DPP9: variants seen among roughly 807,000 people sequenced by gnomAD.
DPP9 encodes the protein dipeptidyl peptidase 9.
A neutral mutation model predicts 110.7 loss-of-function variants in DPP9; 50 were observed. The ratio of observed to expected loss-of-function variants is 0.45; its 90% CI spans 0.36 to 0.57. The LOEUF (loss-of-function observed/expected upper bound fraction) is 0.57. Among genes scored for constraint, DPP9 ranks in the 20% least tolerant of loss-of-function variants. The probability of loss-of-function intolerance (pLI) is 0.00; values close to 1 mark genes in which losing one functional copy is unlikely to be tolerated. For missense variants in DPP9, 1,022 were observed against 1,217.9 expected, an observed-to-expected ratio of 0.84 and a Z score of 2.39; for synonymous variants, 561 against 514.4, an observed-to-expected ratio of 1.09 and a Z score of -1.23.
At position 4,695,647 on chromosome 19, in the gene DPP9, G is replaced by T; in HGVS notation, c.1176-92C>A. 2.6e-6 allele frequency: 3 copies of T among 1,165,266 alleles called. No individual in the cohort carries two copies. The highest frequency in any genetic ancestry group is 3.5e-6 in the Non-Finnish European group (3 of 868,582). The allele number at this position is 1,165,266 out of a possible 1,614,324, so 72.2% of individuals were successfully genotyped here. A position where few individuals can be genotyped will look rare whatever the true frequency, so the allele number is the denominator to read the frequency against. ...CTGGGGACGCAGCGTCCAAACCCGT[G>T]TGGAATCAGGGCTGGGCTTCCTGCG... On this transcript the variant is annotated intron_variant, in intron 11 of 21. Transcript: ENST00000262960. This position sits in a 1 kb window ranked among gnomAD's most constrained non-coding sequence, Gnocchi z 4.7.
Position 4,676,540 on chromosome 19 carries a change from T to C in DPP9, c.*24A>G. ...GAGGCTGCAGCCACTTGTGCTGTGA[T>C]GTGGCGGCTCCCGGTGGGCAGGCTC... On this transcript the variant is annotated 3_prime_UTR_variant, in exon 22 of 22. Coordinates refer to ENST00000262960, the MANE Select transcript of DPP9 (RefSeq NM_139159.5). This position sits in a 1 kb window ranked among gnomAD's most constrained non-coding sequence, Gnocchi z 4.0. 6.4e-7 allele frequency: 1 copy of C among 1,573,094 alleles called. No homozygotes were observed. The highest frequency in any genetic ancestry group is 1.1e-5 in the South Asian group (1 of 87,012).
chr19:4,682,676 G>T lies in DPP9; in HGVS notation c.2474+20C>A. The T allele has an allele frequency of 6.2e-7, 1 of 1,607,296 alleles. No individual in the cohort carries two copies. The highest frequency in any genetic ancestry group is 1.7e-5 in the Admixed American group (1 of 59,214). Reference sequence around the variant, plus strand: ...AGGAGAAGCCCCGGGGAGGAGCGCAGGGCAGGGCAGTGGCCTTACTCATTG... The same window carrying T: ...AGGAGAAGCCCCGGGGAGGAGCGCATGGCAGGGCAGTGGCCTTACTCATTG... On this transcript the variant is annotated intron_variant, in intron 20 of 21. Coordinates refer to ENST00000262960, the MANE Select transcript of DPP9 (RefSeq NM_139159.5). This position sits in a 1 kb window ranked among gnomAD's most constrained non-coding sequence, Gnocchi z 7.1.
chr19:4,713,205 C>T (rs1035133223), intron 4 of DPP9, among the ~76,000 whole-genome samples: 9 of 152,332 alleles, frequency 5.9e-5, no homozygotes, highest in Admixed American at 1.3e-4. Flanking sequence ...GCGGGAGAGA[C>T]GCTGCCTTTG....
At chr19:4,712,170 C>T (rs971844489) in intron 4 of DPP9, among the ~76,000 whole-genome samples, 1 of 152,180 alleles carries the variant, frequency 6.6e-6, no homozygotes, top group African/African-American at 2.4e-5. Context: ...CACTTGTAGT[C>T]GTAACAGCCA....
At chr19:4,711,040 C>T (rs970184446) in intron 4 of DPP9, among the ~76,000 whole-genome samples, 2 of 152,118 alleles carry the variant, frequency 1.3e-5, no homozygotes, top group African/African-American at 4.8e-5. Flanking sequence ...AAAGTTCCTC[C>T]GTTTCTGCTG....
intron 5 of DPP9, among the ~76,000 whole-genome samples, 182 bp downstream of exon 5, chr19:4,705,676 T>C (rs2092545817): frequency 6.6e-6 from 1 of 152,252 alleles, no homozygotes; most frequent in Admixed American, 6.5e-5. Context: ...TCTCTGTCGC[T>C]TGAGTACAGG....
In DPP9 at chr19:4,676,932, G is replaced by C. The variant is rs147565730; in HGVS notation, c.2587-276C>G. On this transcript the variant is annotated intron_variant, in intron 21 of 21. Coordinates refer to ENST00000262960, the MANE Select transcript of DPP9 (RefSeq NM_139159.5). This position sits in a 1 kb window ranked among gnomAD's most constrained non-coding sequence, Gnocchi z 4.0. ...TGTGCACGCGCTTGCACAGAGGAAA[G>C]ATTTAGGAAGAAACCGTTTGCCTCT... is the stretch of plus-strand genomic sequence containing the variant. Among the ~76,000 whole-genome samples the C allele has an allele frequency of 7.7e-3, 1,178 of 152,330 alleles. 4 individuals are homozygous for C. Among genetic ancestry groups the C allele is most frequent in the Non-Finnish European group, 0.013 (878 of 68,032 alleles).
In DPP9 at chr19:4,684,297, C is replaced by T. The variant is rs1237336884; in HGVS notation, c.2178+366G>A. On this transcript the variant is annotated intron_variant, in intron 18 of 21. Coordinates refer to ENST00000262960, the MANE Select transcript of DPP9 (RefSeq NM_139159.5). The surrounding 1 kb of genome is among the most constrained non-coding windows in gnomAD (Gnocchi z 4.8). ...GAGAGCAGCCCTCCCCGACACAGCC[C>T]TGCCTTGGCCTTGGACCTCCCAGCC... The T allele has an allele frequency of 3.3e-6, 1 of 305,142 alleles. No homozygotes were observed. The highest frequency in any genetic ancestry group is 2.2e-5 in the African/African-American group (1 of 46,030). 18.9% of individuals were successfully genotyped at this position (305,142 alleles called of 1,614,324 possible).
At chr19:4,702,757 C>G in intron 7 of DPP9, 41 bp from the exon 8 acceptor site, 1 of 1,347,666 alleles carries the variant, frequency 7.4e-7, no homozygotes, top group Non-Finnish European at 1.0e-6. Flanking sequence ...GGGTGAGCAG[C>G]CTGCTAACAC....
intron 3 of DPP9, chr19:4,717,684 G>A (rs762211281): frequency 2.6e-5 from 4 of 152,222 alleles, no homozygotes; most frequent in Admixed American, 6.5e-5. Context: ...ATGAAACATC[G>A]CGAGAAACTT....
chr19:4,710,092 T>C lies in DPP9; in HGVS notation c.313+3989A>G, dbSNP rs1412930068. ...CTGTGGATTTCTGCTGCCCCATCCC[T>C]CCTCGGACCTCCCTCACCAGCTCTG... On this transcript the variant is annotated intron_variant, in intron 4 of 21. Coordinates refer to ENST00000262960, the MANE Select transcript of DPP9 (RefSeq NM_139159.5). The surrounding 1 kb of genome is among the most constrained non-coding windows in gnomAD (Gnocchi z 5.6). Among the ~76,000 whole-genome samples, 3 of 152,172 alleles carry C rather than the reference T, an allele frequency of 2.0e-5. No homozygotes were observed. The highest frequency in any genetic ancestry group is 7.2e-5 in the African/African-American group (3 of 41,464).
intron 21 of DPP9, 85 bp downstream of exon 21, chr19:4,679,750 G>T: frequency 9.3e-7 from 1 of 1,073,060 alleles, no homozygotes; most frequent in Non-Finnish European, 1.4e-6. Context: ...TGGTCACAGT[G>T]GGAAGCCACC....
At position 4,700,459 on chromosome 19, in the gene DPP9, C is replaced by T. The variant is rs1214988380; in HGVS notation, c.1013-182G>A. Among the ~76,000 whole-genome samples the T allele has an allele frequency of 1.3e-5, 2 of 152,212 alleles. No homozygotes were observed. The highest frequency in any genetic ancestry group is 2.9e-5 in the Non-Finnish European group (2 of 68,042). On this transcript the variant is annotated intron_variant, in intron 9 of 21. Coordinates refer to ENST00000262960, the MANE Select transcript of DPP9 (RefSeq NM_139159.5). This position sits in a 1 kb window ranked among gnomAD's most constrained non-coding sequence, Gnocchi z 4.3. ...AGGCACATCGTCCTGCTGGAACAGG[C>T]ATGACACCCTCAGGTGGGGACCTTC... is the stretch of plus-strand genomic sequence containing the variant.
At chr19:4,722,171 C>A (rs146988364) in intron 2 of DPP9, 11 of 310,592 alleles carry the variant, frequency 3.5e-5, no homozygotes, top group Admixed American at 1.9e-4. Context: ...CCTTTCAGGG[C>A]CAGAATCCAC....
rs1422925131 is a variant in DPP9 at position 4,685,132 on chromosome 19, CG to C, written c.2032-324del. 1.8e-6 allele frequency: 1 copy of C among 569,064 alleles called. No homozygotes were observed. The highest frequency in any genetic ancestry group is 4.1e-5 in the East Asian group (1 of 24,604). 35.3% of individuals were successfully genotyped at this position (569,064 alleles called of 1,614,324 possible). ...CTCGGGTGGGGCCATCTGGGCACTG[CG>C]GGGTGCTGAGAAGCCACTCCAGGCC... is the stretch of plus-strand genomic sequence containing the variant. On this transcript the variant is annotated intron_variant, in intron 17 of 21. Coordinates refer to ENST00000262960, the MANE Select transcript of DPP9 (RefSeq NM_139159.5). The surrounding 1 kb of genome is among the most constrained non-coding windows in gnomAD (Gnocchi z 5.8).
In DPP9 at chr19:4,700,198, T is replaced by C; in HGVS notation, c.1074+18A>G. 6.5e-7 allele frequency: 1 copy of C among 1,547,658 alleles called. No homozygotes were observed. Among genetic ancestry groups the C allele is most frequent in the African/African-American group, 1.4e-5 (1 of 72,962 alleles). On this transcript the variant is annotated intron_variant, in intron 10 of 21. Transcript: ENST00000262960. This position sits in a 1 kb window ranked among gnomAD's most constrained non-coding sequence, Gnocchi z 4.3. ...GCATCATCTAGTAGATTATCTGGTA[T>C]GCAGCAGGCCCCCTTACCTTGCCCT...
intron 13 of DPP9, among the ~76,000 whole-genome samples, chr19:4,691,283 G>A (rs552616540): frequency 2.6e-5 from 4 of 152,126 alleles, no homozygotes; most frequent in East Asian, 1.9e-4. Context: ...AGACCAGCCC[G>A]GGCAACATAG....
At chr19:4,713,534 C>T (rs906890659) in intron 4 of DPP9, among the ~76,000 whole-genome samples, 14 of 152,324 alleles carry the variant, frequency 9.2e-5, no homozygotes, top group South Asian at 2.1e-4. Context: ...GGGCTGCAAG[C>T]GCGTGGCAAG....
Position 4,695,952 on chromosome 19 carries a change from G to C in DPP9, c.1176-397C>G, listed in dbSNP as rs567746488. On this transcript the variant is annotated intron_variant, in intron 11 of 21. Transcript: ENST00000262960. This position sits in a 1 kb window ranked among gnomAD's most constrained non-coding sequence, Gnocchi z 4.7. ...GAGTTTCACTCTTGTCCAGGCTGAA[G>C]TATAGTGGCACAATCTCAGCTCACT... 1.3e-5 allele frequency among the ~76,000 whole-genome samples: 2 copies of C among 152,174 alleles called. No homozygotes were observed. The highest frequency in any genetic ancestry group is 4.2e-4 in the South Asian group (2 of 4,812).
Sources: allele counts gnomAD v4.1 joint callset (sites outside exome capture counted in the v4.1 genomes callset), GRCh38; gene constraint gnomAD v4.1.1; non-coding constraint Gnocchi (gnomAD v3.1); transcripts MANE v1.5; gene names NCBI Gene and HGNC (gene_info 2026-07-23, HGNC 2026-07-21).